The following AIF1L variants were observed in gnomAD, a reference collection of about 807,000 sequenced individuals.
AIF1L encodes the protein allograft inflammatory factor 1-like.
A neutral mutation model predicts 20.7 loss-of-function variants in AIF1L; 12 were observed. The ratio of observed to expected loss-of-function variants is 0.58; its 90% CI spans 0.37 to 0.94. AIF1L has a LOEUF of 0.94. Among genes scored for constraint, AIF1L ranks in the 40% least tolerant of loss-of-function variants. The pLI, the probability that AIF1L is intolerant of heterozygous loss-of-function variation, is 0.01. For missense variants in AIF1L, 173 were observed against 185.3 expected (o/e 0.93, Z 0.39); for synonymous variants, 76 against 65.1 (o/e 1.17, Z -0.81).
chr9:131,105,542 AC>A (rs1038732390), intron 2 of AIF1L, among the ~76,000 whole-genome samples: 13 of 151,720 alleles, frequency 8.6e-5, no homozygotes, highest in African/African-American at 3.1e-4. Flanking sequence ...ACAGGATTTC[AC>A]CATGTTGGCC....
intron 2 of AIF1L, among the ~76,000 whole-genome samples, chr9:131,111,166 GACT>G (rs1315610257): frequency 1.9e-5 from 2 of 103,234 alleles, no homozygotes; most frequent in East Asian, 2.7e-4. Flanking sequence ...ACAAGAGCAA[GACT>G]TCTTAAAAAA....
At chr9:131,117,469 A>T (rs1448433099) in intron 4 of AIF1L, among the ~76,000 whole-genome samples, 1 of 152,186 alleles carries the variant, frequency 6.6e-6, no homozygotes, top group East Asian at 1.9e-4. Context: ...CGTTGGTGGG[A>T]GCAGGGGTTC....
intron 2 of AIF1L, among the ~76,000 whole-genome samples, chr9:131,110,440 C>T (rs1012950834): frequency 6.6e-6 from 1 of 151,896 alleles, no homozygotes; most frequent in African/African-American, 2.4e-5. Context: ...GGTAAGTGTA[C>T]AGTCATTTTC....
Position 131,111,173 on chromosome 9 carries a change from T to TAA in AIF1L, c.94-407_94-406dup, listed in dbSNP as rs33962374. ...CCTGGGGGACAAGAGCAAGACTTCT[T>TAA]AAAAAAAAAAAAAAAAAAGTGCACG... On this transcript the variant is annotated intron_variant, in intron 2 of 5. Transcript: ENST00000247291. 7.2e-3 allele frequency among the ~76,000 whole-genome samples: 987 copies of TAA among 137,996 alleles called. 13 individuals carry two copies. Among genetic ancestry groups the TAA allele is most frequent in the African/African-American group, 0.025 (924 of 36,260 alleles). The allele number at this position is 137,996 out of a possible 152,430, so 90.5% of individuals were successfully genotyped here. A position where few individuals can be genotyped will look rare whatever the true frequency, so the allele number is the denominator to read the frequency against.
At chr9:131,111,731 C>A in intron 3 of AIF1L, 68 bp downstream of exon 3, 2 of 1,432,962 alleles carry the variant, frequency 1.4e-6, no homozygotes, top group Non-Finnish European at 2.0e-6. Context: ...TCCTTGCACA[C>A]AGGACCCCTC....
At chr9:131,119,665 G>A (rs140554595) in intron 5 of AIF1L, among the ~76,000 whole-genome samples, 44 of 152,298 alleles carry the variant, frequency 2.9e-4, no homozygotes, top group African/African-American at 9.9e-4. Flanking sequence ...ATGAGCCCAC[G>A]GTCCAATCTG....
chr9:131,111,737 C>T, intron 3 of AIF1L, 74 bp downstream of exon 3: 1 of 1,409,328 alleles, frequency 7.1e-7, no homozygotes, highest in Non-Finnish European at 1.0e-6. Context: ...CACACAGGAC[C>T]CCTCAGCCCC....
intron 2 of AIF1L, 136 bp downstream of exon 2, chr9:131,096,999 T>A: frequency 1.0e-6 from 1 of 999,010 alleles, no homozygotes; most frequent in Non-Finnish European, 1.4e-6. Flanking sequence ...CTCAGGTGCC[T>A]CCCTCCGCCC....
chr9:131,118,046 G>A (rs1375744090), intron 5 of AIF1L, 128 bp downstream of exon 5: 1 of 950,344 alleles, frequency 1.1e-6, no homozygotes, highest in Non-Finnish European at 1.5e-6. Context: ...TGCTGGACAA[G>A]GTACTTACTT....
chr9:131,119,434 G>C (rs951333094), intron 5 of AIF1L, among the ~76,000 whole-genome samples: 2 of 152,032 alleles, frequency 1.3e-5, no homozygotes, highest in Admixed American at 6.5e-5. Context: ...CCAGGAGGCG[G>C]AGGTTGCAGT....
intron 4 of AIF1L, among the ~76,000 whole-genome samples, chr9:131,115,771 C>T (rs1398895302): frequency 1.3e-5 from 2 of 151,722 alleles, no homozygotes; most frequent in East Asian, 1.9e-4. Context: ...ATCAGGAGTT[C>T]GAGACCAGCC....
intron 2 of AIF1L, 76 bp downstream of exon 2, chr9:131,096,939 C>A (rs1830542612): frequency 7.1e-7 from 1 of 1,415,834 alleles, no homozygotes; most frequent in Non-Finnish European, 9.3e-7. Flanking sequence ...TTCCGCGAGG[C>A]CGTGCCCGCC....
chr9:131,097,881 C>A (rs751199755), intron 2 of AIF1L, among the ~76,000 whole-genome samples: 5 of 152,248 alleles, frequency 3.3e-5, no homozygotes, highest in African/African-American at 7.2e-5. Context: ...ACAGAACTAG[C>A]ATTATTTCCT....
intron 4 of AIF1L, among the ~76,000 whole-genome samples, chr9:131,115,705 G>C (rs1048428565): frequency 6.6e-6 from 1 of 150,630 alleles, no homozygotes; most frequent in African/African-American, 2.4e-5. Context: ...CAGGCACAGT[G>C]TCTCACGCCT....
intron 2 of AIF1L, among the ~76,000 whole-genome samples, chr9:131,102,467 ATATAT>A (rs776385754): frequency 5.3e-5 from 8 of 152,076 alleles, no homozygotes; most frequent in Non-Finnish European, 7.4e-5. Flanking sequence ...CTCTTCCTTA[ATATAT>A]TATAAGGGAG....
intron 2 of AIF1L, among the ~76,000 whole-genome samples, chr9:131,102,152 A>G (rs1830652165): frequency 1.3e-5 from 2 of 152,052 alleles, no homozygotes; most frequent in African/African-American, 2.4e-5. Context: ...ACCTCAAGTG[A>G]TCCACCCGCC....
chr9:131,101,459 A>C (rs541235743), intron 2 of AIF1L, among the ~76,000 whole-genome samples: 2 of 150,080 alleles, frequency 1.3e-5, no homozygotes, highest in East Asian at 4.0e-4. Context: ...TGATCCTTGC[A>C]CTTCAGCCTC....
Position 131,120,385 on chromosome 9 carries a change from C to A in AIF1L, c.*63C>A. 8.0e-7 allele frequency: 1 copy of A among 1,253,870 alleles called. No homozygotes were observed. Among genetic ancestry groups the A allele is most frequent in the Non-Finnish European group, 1.1e-6 (1 of 900,226 alleles). The allele number at this position is 1,253,870 out of a possible 1,614,324, so 77.7% of individuals were successfully genotyped here. ...CCTCCCTCCCGATCTTGCTGCCCTT[C>A]TTGACACACTGTGATCTCTCTCTCT... On this transcript the variant is annotated 3_prime_UTR_variant, in exon 6 of 6. Coordinates refer to ENST00000247291, the MANE Select transcript of AIF1L (RefSeq NM_031426.4).
At position 131,117,774 on chromosome 9, in the gene AIF1L, G is replaced by A. The variant is rs780290936; in HGVS notation, c.221G>A (p.Arg74Lys). 3 of 1,613,190 alleles carry A rather than the reference G, an allele frequency of 1.9e-6. No homozygotes were observed. Among genetic ancestry groups the A allele is most frequent in the Non-Finnish European group, 2.5e-6 (3 of 1,179,652 alleles). ...CCGGCAGACCTGATGTCTTTAAAGA[G>A]GATGATGGAGAAGCTTGGTGTCCCC... is the stretch of plus-strand genomic sequence containing the variant. ...EGEIDLMSLK[R>K]MMEKLGVPKT... The change falls in exon 5 of 6, where the codon AGG becomes AAG. Residue 74 changes from arginine to lysine, a missense_variant. By Grantham distance (26) the Arg-to-Lys change is conservative. Coordinates refer to ENST00000247291, the MANE Select transcript of AIF1L (RefSeq NM_031426.4).
Sources: gnomAD v4.1 joint callset for allele counts (sites outside exome capture counted in the v4.1 genomes callset) on GRCh38, gnomAD v4.1.1 for gene constraint, MANE v1.5 for transcripts, NCBI Gene and HGNC (gene_info 2026-07-23, HGNC 2026-07-21) for gene names.